BMPR1B: variants seen among roughly 807,000 people sequenced by gnomAD.
BMPR1B encodes the protein bone morphogenetic protein receptor type 1B.
A neutral mutation model predicts 59.1 loss-of-function variants in BMPR1B; 12 were observed. The ratio of observed to expected loss-of-function variants is 0.20; its 90% CI spans 0.13 to 0.33. The LOEUF (loss-of-function observed/expected upper bound fraction) is 0.33. Ranked by LOEUF, BMPR1B falls within the 10% of genes least tolerant of loss-of-function variation. The pLI is 1.00. For missense variants in BMPR1B, 550 were observed against 610.9 expected (o/e 0.90, Z 1.05); for synonymous variants, 237 against 207.3 (o/e 1.14, Z -1.23).
chr4:94,910,708 GA>G (rs376574122), intron 2 of BMPR1B, among the ~76,000 whole-genome samples: 43 of 152,052 alleles, frequency 2.8e-4, no homozygotes, highest in African/African-American at 1.0e-3. Flanking sequence ...AGAAGTTTGA[GA>G]CCAGCCTAGG....
At chr4:95,150,133 G>T (rs559564581) in intron 11 of BMPR1B, among the ~76,000 whole-genome samples, 2 of 152,122 alleles carry the variant, frequency 1.3e-5, no homozygotes, top group Non-Finnish European at 2.9e-5. Context: ...ATCACTTTGG[G>T]AATTCTGAAC....
chr4:95,088,172 G>A (rs560434447), intron 3 of BMPR1B, among the ~76,000 whole-genome samples: 22 of 152,072 alleles, frequency 1.4e-4, no homozygotes, highest in Non-Finnish European at 2.8e-4. Flanking sequence ...AGACTTTTCT[G>A]CTGTTTATCC....
At chr4:95,117,773 G>GA (rs1361427794) in intron 6 of BMPR1B, among the ~76,000 whole-genome samples, 1 of 152,044 alleles carries the variant, frequency 6.6e-6, no homozygotes, top group African/African-American at 2.4e-5. Flanking sequence ...GTGGCAGAAT[G>GA]AGACACTCTT....
chr4:95,006,875 A>G (rs1722880567), intron 3 of BMPR1B, among the ~76,000 whole-genome samples: 1 of 151,980 alleles, frequency 6.6e-6, no homozygotes, highest in Non-Finnish European at 1.5e-5. Context: ...AGTATAATAT[A>G]TGACTCTCTT....
chr4:94,950,137 G>T (rs1729875166), intron 2 of BMPR1B, among the ~76,000 whole-genome samples: 1 of 151,982 alleles, frequency 6.6e-6, no homozygotes. Flanking sequence ...TGATGGGGTT[G>T]TTTTTTTCTT....
intron 2 of BMPR1B, among the ~76,000 whole-genome samples, chr4:94,965,913 A>G (rs1439616772): frequency 5.9e-5 from 9 of 152,178 alleles, no homozygotes; most frequent in Admixed American, 5.9e-4. Flanking sequence ...GTGGAATTGG[A>G]AAAGACAAGG....
intron 3 of BMPR1B, among the ~76,000 whole-genome samples, chr4:95,025,080 C>G (rs1438329356): frequency 1.3e-5 from 2 of 151,856 alleles, no homozygotes; most frequent in Non-Finnish European, 2.9e-5. Flanking sequence ...GAGTGAGACT[C>G]CATCTCAAAA....
In BMPR1B at chr4:95,036,836, A is replaced by G. The variant is rs1392854814; in HGVS notation, c.-18+40702A>G. On this transcript the variant is annotated intron_variant, in intron 3 of 12. Transcript: ENST00000515059. ...GTTGTAGTAATTTACATTCCCACCAACAGTGTACGAGGGTTCCCTTTTCTC... is the reference window on the plus strand; with the variant it reads ...GTTGTAGTAATTTACATTCCCACCAGCAGTGTACGAGGGTTCCCTTTTCTC... 3.3e-5 allele frequency among the ~76,000 whole-genome samples: 5 copies of G among 151,912 alleles called. No homozygotes were observed. The South Asian group carries it at 1.0e-3, about 32-fold the overall frequency.
rs540611169 is a variant in BMPR1B at position 95,128,726 on chromosome 4, A to G, written c.586-1136A>G. Among the ~76,000 whole-genome samples the G allele has an allele frequency of 7.9e-5, 12 of 152,292 alleles. No individual in the cohort carries two copies. In the South Asian group the frequency reaches 8.3e-4, roughly 11 times the overall value. ...TTTGCATTTTTTATTGTGACAATTA[A>G]CTGTCTCATTACAAAAATGTAATTT... is the stretch of plus-strand genomic sequence containing the variant. On this transcript the variant is annotated intron_variant, in intron 8 of 12. Transcript: ENST00000515059.
chr4:94,780,988 T>A (rs898748719), intron 1 of BMPR1B, among the ~76,000 whole-genome samples: 7 of 152,014 alleles, frequency 4.6e-5, no homozygotes, highest in Non-Finnish European at 8.8e-5. Context: ...GCAGCCGGCC[T>A]ATTATCTGTC....
chr4:94,948,108 CAGG>C (rs1481327670), intron 2 of BMPR1B, among the ~76,000 whole-genome samples: 1 of 152,208 alleles, frequency 6.6e-6, no homozygotes, highest in Non-Finnish European at 1.5e-5. Flanking sequence ...GATATTCACT[CAGG>C]ATTTTCTGAC....
chr4:94,861,115 T>C (rs570000938), intron 1 of BMPR1B, among the ~76,000 whole-genome samples: 2 of 152,168 alleles, frequency 1.3e-5, no homozygotes, highest in African/African-American at 4.8e-5. Flanking sequence ...CTTGAGGTAG[T>C]ATAGTGCTGT....
chr4:94,838,800 A>G (rs1724926568), intron 1 of BMPR1B, among the ~76,000 whole-genome samples: 1 of 131,518 alleles, frequency 7.6e-6, no homozygotes, highest in Non-Finnish European at 1.6e-5. Flanking sequence ...GCCTTCTGCT[A>G]GCTTTTGAAT....
chr4:95,032,994 T>A, intron 3 of BMPR1B, among the ~76,000 whole-genome samples: 1 of 152,180 alleles, frequency 6.6e-6, no homozygotes, highest in East Asian at 1.9e-4. Context: ...CTTGTTATTT[T>A]GTGTTTTTGA....
intron 3 of BMPR1B, among the ~76,000 whole-genome samples, chr4:95,074,473 A>G (rs748037100): frequency 1.1e-4 from 16 of 152,060 alleles, no homozygotes; most frequent in Admixed American, 4.6e-4. Flanking sequence ...GCACAGGAAT[A>G]GTTAACGAAT....
At chr4:94,817,724 A>G (rs1428760872) in intron 1 of BMPR1B, among the ~76,000 whole-genome samples, 4 of 152,160 alleles carry the variant, frequency 2.6e-5, no homozygotes, top group Non-Finnish European at 5.9e-5. Context: ...TGTCTGCCCT[A>G]TGCTTCAGGG....
At chr4:95,096,018 T>C (rs1295711851) in intron 3 of BMPR1B, among the ~76,000 whole-genome samples, 1 of 143,538 alleles carries the variant, frequency 7.0e-6, no homozygotes. Flanking sequence ...TAGTATGAAA[T>C]TTTTTTTACA....
chr4:95,138,050 G>T (rs1733939254), intron 10 of BMPR1B, among the ~76,000 whole-genome samples: 1 of 152,196 alleles, frequency 6.6e-6, no homozygotes, highest in Admixed American at 6.5e-5. Context: ...GCTACCGGTT[G>T]TTCCTTTCTA....
At chr4:94,833,090 C>G (rs1274119704) in intron 1 of BMPR1B, among the ~76,000 whole-genome samples, 1 of 150,940 alleles carries the variant, frequency 6.6e-6, no homozygotes, top group Non-Finnish European at 1.5e-5. Flanking sequence ...ACTCGGGAGG[C>G]TGAGGTGGAA....
Sources: allele counts gnomAD v4.1 joint callset (sites outside exome capture counted in the v4.1 genomes callset), GRCh38; gene constraint gnomAD v4.1.1; transcripts MANE v1.5; gene names NCBI Gene and HGNC (gene_info 2026-07-23, HGNC 2026-07-21).